CADM2: variants seen among roughly 807,000 people sequenced by gnomAD.
CADM2 encodes the protein immunoglobulin superfamily member 4D.
CADM2 carries 12 observed loss-of-function variants against 49.8 expected under a neutral mutation model. The observed-to-expected ratio is 0.24, with a 90% confidence interval of 0.15 to 0.39. The LOEUF (loss-of-function observed/expected upper bound fraction) is 0.39, where lower values mean the gene tolerates loss of function less well. Among genes scored for constraint, CADM2 ranks in the 10% least tolerant of loss-of-function variants. CADM2 has a pLI of 1.00. For synonymous variants in CADM2, 214 were observed against 175.4 expected (o/e 1.22, Z -1.74); for missense variants, 378 against 492.3 (o/e 0.77, Z 2.20).
chr3:85,751,656 A>T (rs1395396642), intron 2 of CADM2, among the ~76,000 whole-genome samples: 1 of 152,152 alleles, frequency 6.6e-6, no homozygotes, highest in African/African-American at 2.4e-5. Flanking sequence ...GCAAATTTTA[A>T]TGCAAACCCA....
chr3:85,006,872 T>C lies in CADM2; in HGVS notation c.61+47204T>C, dbSNP rs934100425. On this transcript the variant is annotated intron_variant, in intron 1 of 9. Transcript: ENST00000383699. Reference sequence around the variant, plus strand: ...CTTTAAATTCTTATGTCCTATAGTGTCTCTGAAATTGGCAAACTAATTTCT... The same window carrying C: ...CTTTAAATTCTTATGTCCTATAGTGCCTCTGAAATTGGCAAACTAATTTCT... Among the ~76,000 whole-genome samples the C allele has an allele frequency of 2.0e-5, 3 of 152,298 alleles. No individual in the cohort carries two copies. In the East Asian group the frequency reaches 5.8e-4, roughly 29 times the overall value.
At chr3:85,991,460 C>CA (rs1728761364) in intron 8 of CADM2, among the ~76,000 whole-genome samples, 1 of 151,996 alleles carries the variant, frequency 6.6e-6, no homozygotes, top group South Asian at 2.1e-4. Context: ...GATCAGTTAT[C>CA]AAATAAATAA....
At chr3:85,979,410 A>G (rs1418905324) in intron 8 of CADM2, 1 of 1,022,568 alleles carries the variant, frequency 9.8e-7, no homozygotes, top group African/African-American at 1.6e-5. Context: ...AGTCACCTAA[A>G]TTGCTATCAA....
chr3:85,104,457 G>C (rs1575872595), intron 1 of CADM2, among the ~76,000 whole-genome samples: 1 of 152,126 alleles, frequency 6.6e-6, no homozygotes, highest in East Asian at 1.9e-4. Context: ...GTACCATGCT[G>C]TTTTGGTTAC....
chr3:85,340,088 T>G (rs1161071909), intron 1 of CADM2, among the ~76,000 whole-genome samples: 1 of 151,408 alleles, frequency 6.6e-6, no homozygotes, highest in Non-Finnish European at 1.5e-5. Flanking sequence ...CATGTGAATA[T>G]TTTTCTACCA....
At chr3:85,922,956 G>C (rs1349532912) in intron 6 of CADM2, among the ~76,000 whole-genome samples, 1 of 151,540 alleles carries the variant, frequency 6.6e-6, no homozygotes, top group Non-Finnish European at 1.5e-5. Flanking sequence ...TGAGTAGCTG[G>C]GACTATAGGC....
chr3:86,026,893 A>G (rs916098657), intron 8 of CADM2, among the ~76,000 whole-genome samples: 4 of 152,200 alleles, frequency 2.6e-5, no homozygotes, highest in African/African-American at 4.8e-5. Flanking sequence ...TGGTTCAAAT[A>G]TATGCATTCT....
At chr3:85,858,524 A>G (rs1009821328) in intron 3 of CADM2, among the ~76,000 whole-genome samples, 1 of 152,218 alleles carries the variant, frequency 6.6e-6, no homozygotes, top group Non-Finnish European at 1.5e-5. Flanking sequence ...AAAATGAGAA[A>G]AACTGAATTC....
chr3:85,070,530 A>C (rs895754797), intron 1 of CADM2, among the ~76,000 whole-genome samples: 67 of 152,262 alleles, frequency 4.4e-4, no homozygotes, highest in Middle Eastern at 3.4e-3. Context: ...TCAGTTTTCA[A>C]ATAAAAAATT....
intron 1 of CADM2, among the ~76,000 whole-genome samples, chr3:85,469,812 CAA>C (rs1266442086): frequency 7.2e-5 from 11 of 152,124 alleles, no homozygotes; most frequent in Admixed American, 6.6e-4. Flanking sequence ...AGTTTATTCA[CAA>C]AAGTGTTGCA....
intron 6 of CADM2, among the ~76,000 whole-genome samples, chr3:85,916,171 C>T (rs539421631): frequency 6.6e-6 from 1 of 151,864 alleles, no homozygotes; most frequent in Non-Finnish European, 1.5e-5. Context: ...AAAGAGAGTT[C>T]TCTTTTTTTA....
intron 1 of CADM2, among the ~76,000 whole-genome samples, chr3:85,678,453 G>T (rs146659158): frequency 6.6e-4 from 101 of 152,268 alleles, no homozygotes; most frequent in African/African-American, 2.3e-3. Context: ...TGGTCTTCAT[G>T]CTTGAAGTTT....
At chr3:85,133,168 C>T (rs1397096896) in intron 1 of CADM2, among the ~76,000 whole-genome samples, 1 of 152,088 alleles carries the variant, frequency 6.6e-6, no homozygotes, top group Non-Finnish European at 1.5e-5. Context: ...CAGTGTGGAC[C>T]CAAAGAGTGA....
At chr3:85,642,108 T>C (rs2064736548) in intron 1 of CADM2, among the ~76,000 whole-genome samples, 1 of 152,114 alleles carries the variant, frequency 6.6e-6, no homozygotes, top group African/African-American at 2.4e-5. Flanking sequence ...CCAGATATAA[T>C]GGGAGGCCAT....
intron 5 of CADM2, among the ~76,000 whole-genome samples, chr3:85,893,481 C>T (rs2090111414): frequency 6.6e-6 from 1 of 152,066 alleles, no homozygotes; most frequent in African/African-American, 2.4e-5. Context: ...GCAACAAAAG[C>T]CAAAATTGAC....
intron 1 of CADM2, chr3:84,960,028 A>C: frequency 2.8e-6 from 1 of 356,772 alleles, no homozygotes; most frequent in Non-Finnish European, 5.1e-6. Flanking sequence ...CCCACCAGCC[A>C]CCTCCCACAT....
intron 1 of CADM2, among the ~76,000 whole-genome samples, chr3:85,285,134 A>G (rs192573491): frequency 5.5e-4 from 84 of 152,218 alleles, no homozygotes; most frequent in African/African-American, 2.0e-3. Flanking sequence ...CAAAGCTGCT[A>G]TTTACTGGCA....
chr3:85,582,335 G>A (rs1473589485), intron 1 of CADM2, among the ~76,000 whole-genome samples: 1 of 152,122 alleles, frequency 6.6e-6, no homozygotes, highest in Non-Finnish European at 1.5e-5. Flanking sequence ...GCATAATTAG[G>A]TGAATCAATC....
intron 1 of CADM2, among the ~76,000 whole-genome samples, chr3:85,004,343 G>A (rs1205577442): frequency 2.0e-5 from 3 of 152,106 alleles, no homozygotes; most frequent in Non-Finnish European, 2.9e-5. Flanking sequence ...CACCTAAGCT[G>A]ACTCAGCATT....
Sources: allele counts gnomAD v4.1 joint callset (sites outside exome capture counted in the v4.1 genomes callset), GRCh38; gene constraint gnomAD v4.1.1; transcripts MANE v1.5; gene names NCBI Gene and HGNC (gene_info 2026-07-23, HGNC 2026-07-21).